CABIN1: variants seen among roughly 807,000 people sequenced by gnomAD.
CABIN1 encodes calcineurin binding protein 1.
CABIN1 carries 133 observed loss-of-function variants against 227.7 expected under a neutral mutation model. The observed-to-expected ratio is 0.58, with a 90% CI of 0.51 to 0.67. CABIN1 has a LOEUF of 0.67. Ranked by LOEUF, CABIN1 falls within the 30% of genes least tolerant of loss-of-function variation. The probability of loss-of-function intolerance (pLI) is 0.00; values close to 1 mark genes in which losing one functional copy is unlikely to be tolerated. For synonymous variants in CABIN1, 1,086 were observed against 1,155.1 expected (o/e 0.94, Z 1.21); for missense variants, 2,408 against 2,852.5 (o/e 0.84, Z 3.55).
At chr22:24,034,586 C>T (rs865785851) in intron 1 of CABIN1, among the ~76,000 whole-genome samples, 3 of 152,074 alleles carry the variant, frequency 2.0e-5, no homozygotes, top group South Asian at 2.1e-4. Flanking sequence ...CAAGTTTTGG[C>T]GTGGACATGT....
At chr22:24,123,859 A>G (rs529995033) in intron 28 of CABIN1, among the ~76,000 whole-genome samples, 1 of 152,328 alleles carries the variant, frequency 6.6e-6, no homozygotes, top group Admixed American at 6.5e-5. Context: ...TCTTGTTGCC[A>G]TCTCACAGCT....
At chr22:24,137,367 G>A (rs2044486278) in intron 29 of CABIN1, among the ~76,000 whole-genome samples, 1 of 152,188 alleles carries the variant, frequency 6.6e-6, no homozygotes, top group African/African-American at 2.4e-5. Flanking sequence ...CTCACTCCCT[G>A]CACCTCCTCC....
intron 4 of CABIN1, among the ~76,000 whole-genome samples, chr22:24,040,937 G>T (rs2037318645): frequency 6.6e-6 from 1 of 152,192 alleles, no homozygotes; most frequent in Admixed American, 6.5e-5. Context: ...ATACCTCAGG[G>T]TGGTCTGTTC....
chr22:24,155,065 T>C (rs1393999838), intron 29 of CABIN1, among the ~76,000 whole-genome samples: 1 of 152,106 alleles, frequency 6.6e-6, no homozygotes, highest in African/African-American at 2.4e-5. Flanking sequence ...GCAGCATCTC[T>C]CTCACCTAGC....
Position 24,059,328 on chromosome 22 carries a change from G to A in CABIN1, c.1364G>A (p.Arg455Lys). The change falls in exon 11 of 37, where the codon AGG (arginine) becomes AAG (lysine). Residue 455 changes from arginine (R) to lysine (K), a missense_variant. By Grantham distance (26) the Arg-to-Lys change is conservative. This residue lies in a region of CABIN1 where 1,045 missense variants were observed against 1,168.4 expected (regional missense o/e 0.89). Coordinates refer to ENST00000263119, the MANE Select transcript of CABIN1 (RefSeq NM_012295.4). ...LESFPSIGPQ[R>K]LSFDSATFME... is the part of the protein sequence containing the mutation. ...AGCTTCCCAAGCATTGGGCCTCAAAGGCTGTCATTTGACTCAGCCACATTC... is the reference window on the plus strand; with the variant it reads ...AGCTTCCCAAGCATTGGGCCTCAAAAGCTGTCATTTGACTCAGCCACATTC... 1 of 1,614,180 alleles carries A rather than the reference G, an allele frequency of 6.2e-7. No individual in the cohort carries two copies.
rs375345573 is a variant in CABIN1 at position 24,072,343 on chromosome 22, C to G, written c.2476-11C>G. ...GTGACACTTCTGCTGTCTCCCACCC[C>G]GCACTGTCAGGTCATTGACTGCAGC... On this transcript the variant is annotated splice_polypyrimidine_tract_variant and intron_variant, in intron 17 of 36. Transcript: ENST00000263119. 1 of 1,614,074 alleles carries G rather than the reference C, an allele frequency of 6.2e-7. No homozygotes were observed. Among genetic ancestry groups the G allele is most frequent in the Non-Finnish European group, 8.5e-7 (1 of 1,179,984 alleles).
Position 24,098,151 on chromosome 22 carries a change from A to G in CABIN1, c.4076A>G (p.Tyr1359Cys). 1 of 1,614,026 alleles carries G rather than the reference A, an allele frequency of 6.2e-7. No individual in the cohort carries two copies. The highest frequency in any genetic ancestry group is 8.5e-7 in the Non-Finnish European group (1 of 1,180,006). ...ACAGCCACTCCGATTGACCACGATT[A>G]CGTCAAATGTAAAAAACCCCACCAG... ...PYTATPIDHD[Y>C]VKCKKPHQQA... Residue 1359 changes from tyrosine to cysteine, a missense_variant, in exon 26 of 37, where the codon TAC becomes TGC. Physicochemically the swap from Tyr to Cys is radical, Grantham distance 194. Around this residue, in one of 3 missense-constraint regions of CABIN1, gnomAD observed 649 missense variants for 910.3 expected, o/e 0.71. Coordinates refer to ENST00000263119, the MANE Select transcript of CABIN1 (RefSeq NM_012295.4).
chr22:24,093,568 AT>A (rs1227131971), intron 24 of CABIN1, among the ~76,000 whole-genome samples: 1 of 151,292 alleles, frequency 6.6e-6, no homozygotes, highest in East Asian at 1.9e-4. Flanking sequence ...AAAAAAACTC[AT>A]TTAAAAAAAA....
intron 15 of CABIN1, among the ~76,000 whole-genome samples, chr22:24,064,512 G>GTTTTTTTTTTT (rs782268156): frequency 1.1e-4 from 12 of 106,880 alleles, no homozygotes; most frequent in African/African-American, 2.5e-4. Context: ...CAGCTGAAAG[G>GTTTTTTTTTTT]TTTTTTTTTT....
intron 19 of CABIN1, 49 bp downstream of exon 19, chr22:24,076,333 G>A (rs1390004747): frequency 1.3e-6 from 2 of 1,492,564 alleles, no homozygotes; most frequent in Non-Finnish European, 1.9e-6. Flanking sequence ...GGCAGGGCTG[G>A]GGTGGGAGGT....
intron 6 of CABIN1, among the ~76,000 whole-genome samples, chr22:24,043,513 G>A (rs1326336259): frequency 6.6e-6 from 1 of 151,860 alleles, no homozygotes; most frequent in Non-Finnish European, 1.5e-5. Flanking sequence ...GCACTTTAGG[G>A]GGCCAAGGCA....
intron 18 of CABIN1, among the ~76,000 whole-genome samples, chr22:24,075,047 T>A (rs1033716837): frequency 1.3e-5 from 2 of 151,896 alleles, no homozygotes; most frequent in South Asian, 4.2e-4. Flanking sequence ...AAAATAAAAT[T>A]TAAAAAATTA....
Position 24,165,797 on chromosome 22 carries a change from G to A in CABIN1, c.5007+171G>A, listed in dbSNP as rs144082596. ...TCTTCCTAGGCAGGGAAGGTCAGCC[G>A]TGGTAATGAATGCACATGAATTCAG... On this transcript the variant is annotated intron_variant, in intron 31 of 36. Transcript: ENST00000263119. Among the ~76,000 whole-genome samples the A allele has an allele frequency of 2.0e-3, 311 of 152,308 alleles. 3 individuals are homozygous for A. Among genetic ancestry groups the A allele is most frequent in the African/African-American group, 7.2e-3 (299 of 41,570 alleles).
At chr22:24,145,519 C>A (rs2045054096) in intron 29 of CABIN1, among the ~76,000 whole-genome samples, 1 of 152,186 alleles carries the variant, frequency 6.6e-6, no homozygotes, top group Non-Finnish European at 1.5e-5. Context: ...TGCCTGTGGA[C>A]TGATGGGATG....
rs2036876240 is a variant in CABIN1, at chr22:24,036,234, G to A, written c.96+53G>A. Reference sequence around the variant, plus strand: ...GTGGACCTTCTCATTTCTATAGAGGGAACCTCATTTTAAATACATTTAGGC... The same window carrying A: ...GTGGACCTTCTCATTTCTATAGAGGAAACCTCATTTTAAATACATTTAGGC... On this transcript the variant is annotated intron_variant, in intron 3 of 36. Coordinates refer to ENST00000263119, the MANE Select transcript of CABIN1 (RefSeq NM_012295.4). 5.5e-6 allele frequency: 7 copies of A among 1,284,100 alleles called. No homozygotes were observed. In the Admixed American group the frequency reaches 8.4e-5, roughly 15 times the overall value. 79.5% of individuals were successfully genotyped at this position (1,284,100 alleles called of 1,614,324 possible). A position where few individuals can be genotyped will look rare whatever the true frequency, so the allele number is the denominator to read the frequency against.
chr22:24,043,273 A>G (rs1373059978), intron 6 of CABIN1, among the ~76,000 whole-genome samples, 189 bp downstream of exon 6: 2 of 143,834 alleles, frequency 1.4e-5, no homozygotes, highest in Non-Finnish European at 3.0e-5. Flanking sequence ...AATGCCTTGT[A>G]GTAATAAAGT....
chr22:24,018,130 A>G (rs1377819338), intron 1 of CABIN1, among the ~76,000 whole-genome samples: 1 of 151,968 alleles, frequency 6.6e-6, no homozygotes, highest in African/African-American at 2.4e-5. Flanking sequence ...GCTGGGACTA[A>G]AGGTGTGAGC....
intron 12 of CABIN1, 101 bp downstream of exon 12, chr22:24,060,242 T>C (rs928229227): frequency 1.0e-5 from 12 of 1,157,598 alleles, no homozygotes; most frequent in East Asian, 2.5e-5. Context: ...TGGCTGCATC[T>C]ACTTGTGGGC....
intron 29 of CABIN1, among the ~76,000 whole-genome samples, chr22:24,153,329 G>A (rs146526633): frequency 2.6e-5 from 4 of 152,342 alleles, no homozygotes; most frequent in Non-Finnish European, 4.4e-5. Context: ...CCTGAGGTGG[G>A]TAAGCAGTTC....
Sources: gnomAD v4.1 joint callset for allele counts (sites outside exome capture counted in the v4.1 genomes callset) on GRCh38, gnomAD v4.1.1 for gene constraint, gnomAD v4.1.1 regional missense constraint, MANE v1.5 for transcripts, NCBI Gene and HGNC (gene_info 2026-07-23, HGNC 2026-07-21) for gene names.